The following CLN3 variants were observed in gnomAD, a reference collection of about 807,000 sequenced individuals.
The protein encoded by CLN3 is CLN3 lysosomal/endosomal transmembrane protein, battenin, also known as battenin.
A neutral mutation model predicts 60.7 loss-of-function variants in CLN3; 49 were observed. That is an observed-to-expected ratio of 0.81 (90% CI 0.64 to 1.02). The LOEUF is 1.02. Among genes scored for constraint, CLN3 ranks in the 50% least tolerant of loss-of-function variants. CLN3 has a pLI of 0.00. For missense variants in CLN3, 516 were observed against 557.4 expected (o/e 0.93, Z 0.75); for synonymous variants, 256 against 245.8 (o/e 1.04, Z -0.39).
chr16:28,474,830 G>A (rs1336536434), downstream of CLN3, among the ~76,000 whole-genome samples: 1 of 152,158 alleles, frequency 6.6e-6, no homozygotes, highest in African/African-American at 2.4e-5. Flanking sequence ...GGCTGGGTGT[G>A]GTGGCTCATG....
chr16:28,477,749 G>T lies in CLN3; in HGVS notation c.1185C>A (p.Asn395Lys), dbSNP rs747968377. ...GGCCAATGCTGACCTCCAGGGCGAT[G>T]TTGTGGAAGGTGTTCACGTAGGCTG... Reference protein sequence around the residue: ...GGAAYVNTFHNIALETSDEHR... With the variant: ...GGAAYVNTFHKIALETSDEHR... Residue 395 changes from asparagine (N) to lysine (K), a missense_variant, in exon 15 of 16, where the codon AAC becomes AAA. Coordinates refer to ENST00000636147, the MANE Select transcript of CLN3 (RefSeq NM_001042432.2). 1 of 1,614,216 alleles carries T rather than the reference G, an allele frequency of 6.2e-7. No homozygotes were observed. Among genetic ancestry groups the T allele is most frequent in the South Asian group, 1.1e-5 (1 of 91,090 alleles).
At position 28,484,058 on chromosome 16, in the gene CLN3, C is replaced by G; in HGVS notation, c.738G>C (p.Glu246Asp). 6.2e-7 allele frequency: 1 copy of G among 1,612,798 alleles called. No individual in the cohort carries two copies. The highest frequency in any genetic ancestry group is 8.5e-7 in the Non-Finnish European group (1 of 1,179,516). ...TTATGAGGGGCTGCCGGGCTGCGCT[C>G]TCTGCTTCTTCTTCCCCTCCAGGGT... ...AQDPGGEEEA[E>D]SAARQPLIRT... The change falls in exon 10 of 16, where the codon GAG becomes GAC. Residue 246 changes from glutamate (E) to aspartate (D), a missense_variant. Glu to Asp is a conservative substitution (Grantham distance 45, BLOSUM62 2). Coordinates refer to ENST00000636147, the MANE Select transcript of CLN3 (RefSeq NM_001042432.2).
At chr16:28,490,564 T>C (rs1332041811) in intron 3 of CLN3, 1 of 148,798 alleles carries the variant, frequency 6.7e-6, no homozygotes, top group Non-Finnish European at 1.5e-5. Flanking sequence ...ATCGAGACCA[T>C]CCTGGATAAC....
In CLN3 at chr16:28,477,534, G is replaced by A. The variant is rs1479016838; in HGVS notation, c.1299C>T (p.Phe433=). ...SGLLALPLHD[F]LCQLS ...CCGAGTATCAGGAGAGCTGGCAGAG[G>A]AAGTCATGCAGAGGCAAAGCCAGGA... is the stretch of plus-strand genomic sequence containing the variant. Residue 433 remains phenylalanine (F), a synonymous_variant, in exon 16 of 16, where the codon TTC becomes TTT. Coordinates refer to ENST00000636147, the MANE Select transcript of CLN3 (RefSeq NM_001042432.2). The A allele has an allele frequency of 6.2e-7, 1 of 1,613,732 alleles. No homozygotes were observed. Among genetic ancestry groups the A allele is most frequent in the South Asian group, 1.1e-5 (1 of 91,066 alleles).
chr16:28,491,446 T>A (rs2046311764), intron 3 of CLN3, 36 bp downstream of exon 3: 2 of 1,610,484 alleles, frequency 1.2e-6, no homozygotes, highest in Non-Finnish European at 1.7e-6. Context: ...CCTCTTCTCA[T>A]GCCATTGTCA....
Position 28,488,594 on chromosome 16 carries a change from C to T in CLN3, c.291G>A (p.Thr97=), listed in dbSNP as rs367945307. 178 of 1,613,960 alleles carry T rather than the reference C, an allele frequency of 1.1e-4. No homozygotes were observed. The highest frequency in any genetic ancestry group is 1.4e-4 in the Non-Finnish European group (168 of 1,179,998). The change falls in exon 5 of 16, where the codon ACG becomes ACA. Residue 97 remains threonine, a synonymous_variant. Transcript: ENST00000636147. ...SSRFDCNSVS[T]AAVLLADILP... Reference sequence around the variant, plus strand: ...ACCAGGTGAGATGAGTACGCACAGCCGTAGAGACAGAGTTGCAGTCAAATC... The same window carrying T: ...ACCAGGTGAGATGAGTACGCACAGCTGTAGAGACAGAGTTGCAGTCAAATC...
intron 2 of CLN3, 53 bp from the exon 3 acceptor site, chr16:28,491,613 G>C: frequency 6.2e-7 from 1 of 1,613,378 alleles, no homozygotes; most frequent in Non-Finnish European, 8.5e-7. Flanking sequence ...GTGCACGACC[G>C]CTCCTTGCGT....
chr16:28,487,766 C>A (rs1352635365), intron 5 of CLN3, 25 bp from the exon 6 acceptor site: 1 of 1,592,528 alleles, frequency 6.3e-7, no homozygotes, highest in South Asian at 1.1e-5. Context: ...TAGAGTGAGA[C>A]CGCAGAGCTT....
intron 9 of CLN3, 90 bp downstream of exon 9, chr16:28,486,257 G>A (rs1251119509): frequency 1.9e-6 from 3 of 1,555,916 alleles, no homozygotes; most frequent in Admixed American, 1.7e-5. Flanking sequence ...CTCCCAAAGT[G>A]CTGGGATTAC....
intron 9 of CLN3, among the ~76,000 whole-genome samples, chr16:28,486,012 T>G (rs1245482286): frequency 6.6e-6 from 1 of 151,536 alleles, no homozygotes; most frequent in South Asian, 2.1e-4. Context: ...TTTTTTTTCT[T>G]CCTGAGACAG....
chr16:28,483,325 G>A (rs1425229239), intron 10 of CLN3, among the ~76,000 whole-genome samples: 1 of 151,846 alleles, frequency 6.6e-6, no homozygotes, highest in African/African-American at 2.4e-5. Context: ...GGGTTCAAGT[G>A]ATTCTCGTGC....
chr16:28,468,392 A>G, the CLN3 span, among the ~76,000 whole-genome samples: 1 of 147,294 alleles, frequency 6.8e-6, no homozygotes, highest in South Asian at 2.2e-4. Flanking sequence ...ATCCCTCTAA[A>G]TAATACTTCT....
chr16:28,468,798 C>A, the CLN3 span, among the ~76,000 whole-genome samples: 1 of 85,016 alleles, frequency 1.2e-5, no homozygotes, highest in Non-Finnish European at 2.5e-5. Context: ...CAGAGTGAGA[C>A]TCTGTCTCAA....
At position 28,492,002 on chromosome 16, in the gene CLN3, G is replaced by A. The variant is rs923068477; in HGVS notation, c.-77+18C>T. The A allele has an allele frequency of 4.9e-6, 3 of 611,184 alleles. No homozygotes were observed. The highest frequency in any genetic ancestry group is 3.7e-5 in the African/African-American group (2 of 54,238). The allele number at this position is 611,184 out of a possible 1,614,324, so 37.9% of individuals were successfully genotyped here. The stretch of plus-strand genomic sequence containing the variant: ...CTCTCCCCCGCCCCGTCTACAGCAG[G>A]GACCCTGAGGCCTGTACCTTTAAGA... On this transcript the variant is annotated intron_variant, in intron 1 of 15. Coordinates refer to ENST00000636147, the MANE Select transcript of CLN3 (RefSeq NM_001042432.2).
Position 28,477,368 on chromosome 16 carries a change from G to A in CLN3, c.*148C>T, listed in dbSNP as rs1172023051. Reference sequence around the variant, plus strand: ...GACAATGGCTGGCCCCCCTGCAAGGGAAACAAGGCTTCAGCCCTTCCCTAC... The same window carrying A: ...GACAATGGCTGGCCCCCCTGCAAGGAAAACAAGGCTTCAGCCCTTCCCTAC... On this transcript the variant is annotated 3_prime_UTR_variant, in exon 16 of 16. Transcript: ENST00000636147. 8.4e-6 allele frequency: 9 copies of A among 1,065,430 alleles called. No homozygotes were observed. The highest frequency in any genetic ancestry group is 1.3e-5 in the Non-Finnish European group (9 of 714,196). The allele number at this position is 1,065,430 out of a possible 1,614,324, so 66.0% of individuals were successfully genotyped here. A position where few individuals can be genotyped will look rare whatever the true frequency, so the allele number is the denominator to read the frequency against.
At chr16:28,470,734 G>GGTCT (rs1567250750), downstream of CLN3, among the ~76,000 whole-genome samples, 1 of 150,946 alleles carries the variant, frequency 6.6e-6, no homozygotes, top group African/African-American at 2.4e-5. Context: ...AGAAGAAAGG[G>GGTCT]GTCTGGGAAA....
intron 10 of CLN3, 36 bp downstream of exon 10, chr16:28,483,966 GAGAA>G: frequency 6.8e-7 from 1 of 1,468,040 alleles, no homozygotes; most frequent in Non-Finnish European, 9.4e-7. Context: ...CAAACCCAGA[GAGAA>G]AGAAAGTGAC....
Position 28,487,528 on chromosome 16 carries a change from C to A in CLN3, c.388G>T (p.Val130Phe), listed in dbSNP as rs764261700. Reference sequence around the variant, plus strand: ...CTTCCAGCAGCACAAATCCCACTGACGAGAACCCGGGGGCTGAGGGGGTGA... The same window carrying A: ...CTTCCAGCAGCACAAATCCCACTGAAGAGAACCCGGGGGCTGAGGGGGTGA... ...HLLPYSPRVL[V>F]SGICAAGSFV... The change falls in exon 7 of 16, where the codon GTC becomes TTC. Residue 130 changes from valine (V) to phenylalanine (F), a missense_variant. Coordinates refer to ENST00000636147, the MANE Select transcript of CLN3 (RefSeq NM_001042432.2). 1.9e-6 allele frequency: 3 copies of A among 1,613,818 alleles called. No individual in the cohort carries two copies. Among genetic ancestry groups the A allele is most frequent in the Non-Finnish European group, 2.5e-6 (3 of 1,179,908 alleles).
chr16:28,472,365 G>C (rs564407469), downstream of CLN3, among the ~76,000 whole-genome samples: 1 of 151,802 alleles, frequency 6.6e-6, no homozygotes, highest in Non-Finnish European at 1.5e-5. Context: ...CTCCATCCTG[G>C]GTGACAAAAA....
Sources: allele counts gnomAD v4.1 joint callset (sites outside exome capture counted in the v4.1 genomes callset), GRCh38; gene constraint gnomAD v4.1.1; transcripts MANE v1.5; gene names NCBI Gene and HGNC (gene_info 2026-07-23, HGNC 2026-07-21).